The following LIPG variants were observed in gnomAD, a reference collection of about 807,000 sequenced individuals.
LIPG encodes the protein endothelial lipase.
LIPG carries 34 observed loss-of-function variants against 51.8 expected under a neutral mutation model. That is an observed-to-expected ratio of 0.66 (90% CI 0.50 to 0.87). The LOEUF is 0.87. Among genes scored for constraint, LIPG ranks in the 40% least tolerant of loss-of-function variants. LIPG has a pLI of 0.00. For missense variants in LIPG, 580 were observed against 652.7 expected (o/e 0.89, Z 1.21); for synonymous variants, 246 against 246.1 (o/e 1.00, Z 0.00).
chr18:49,575,044 T>C (rs560559534), intron 4 of LIPG, among the ~76,000 whole-genome samples: 2 of 152,312 alleles, frequency 1.3e-5, no homozygotes, highest in East Asian at 3.9e-4. Flanking sequence ...GCTTCAGTTT[T>C]AACAGGAGCA....
intron 5 of LIPG, 105 bp downstream of exon 5, chr18:49,575,695 A>G: frequency 1.1e-6 from 1 of 898,744 alleles, no homozygotes; most frequent in Non-Finnish European, 1.8e-6. Flanking sequence ...CATTATTCTC[A>G]CCTCCCACCA....
chr18:49,590,604 C>T lies in LIPG; in HGVS notation c.*82C>T, dbSNP rs1177429755. ...ATGGAGGAAAGTTACTGCTGAGGAC[C>T]CACCCAATGGAAGGATTCTTCTCAG... On this transcript the variant is annotated 3_prime_UTR_variant, in exon 10 of 10. Transcript: ENST00000261292. The T allele has an allele frequency of 5.9e-6, 8 of 1,364,440 alleles. No homozygotes were observed. The highest frequency in any genetic ancestry group is 7.2e-6 in the Non-Finnish European group (7 of 975,446). The allele number at this position is 1,364,440 out of a possible 1,614,324, so 84.5% of individuals were successfully genotyped here. A position where few individuals can be genotyped will look rare whatever the true frequency, so the allele number is the denominator to read the frequency against.
At chr18:49,577,727 G>T (rs2084738587) in intron 5 of LIPG, among the ~76,000 whole-genome samples, 1 of 81,196 alleles carries the variant, frequency 1.2e-5, no homozygotes, top group African/African-American at 7.1e-5. Context: ...CGGATGGCAC[G>T]GCTGGCCGGG....
At position 49,582,544 on chromosome 18, in the gene LIPG, G is replaced by C. The variant is rs1600564083; in HGVS notation, c.1157+62G>C. The stretch of plus-strand genomic sequence containing the variant: ...AGAACAGGTTGGTTTGAGAATGAGA[G>C]AGCACAAGGGAGCGTGTGAACGAGT... On this transcript the variant is annotated intron_variant, in intron 7 of 9. Transcript: ENST00000261292. 1.9e-5 allele frequency: 30 copies of C among 1,603,032 alleles called. No individual in the cohort carries two copies. In the South Asian group the frequency reaches 2.8e-4, roughly 15 times the overall value.
At chr18:49,579,014 GGGA>G in intron 5 of LIPG, among the ~76,000 whole-genome samples, 1 of 2,004 alleles carries the variant, frequency 5.0e-4, no homozygotes, top group South Asian at 0.021. Flanking sequence ...GAGAGGGAGA[GGGA>G]GAGGGAGAGG....
intron 5 of LIPG, among the ~76,000 whole-genome samples, chr18:49,578,755 C>T (rs1282662200): frequency 4.6e-5 from 7 of 150,950 alleles, no homozygotes; most frequent in African/African-American, 1.2e-4. Flanking sequence ...GTGAAGGAGA[C>T]TCCGTCTGCA....
At chr18:49,575,336 C>T in intron 4 of LIPG, 33 bp from the exon 5 acceptor site, 3 of 1,590,392 alleles carry the variant, frequency 1.9e-6, no homozygotes, top group Non-Finnish European at 2.6e-6. Context: ...GCACCTGACA[C>T]CACAGCTGTT....
chr18:49,569,607 C>A, intron 4 of LIPG, 59 bp downstream of exon 4: 1 of 1,313,906 alleles, frequency 7.6e-7, no homozygotes, highest in East Asian at 2.4e-5. Flanking sequence ...GGAATGCTCC[C>A]AAATGAGGCA....
At chr18:49,578,770 C>T (rs1244978805) in intron 5 of LIPG, among the ~76,000 whole-genome samples, 30 of 151,042 alleles carry the variant, frequency 2.0e-4, no homozygotes, top group African/African-American at 6.1e-4. Context: ...TCTGCAATCC[C>T]GGCACCTCGG....
intron 5 of LIPG, among the ~76,000 whole-genome samples, chr18:49,577,750 C>T: frequency 2.0e-5 from 1 of 49,174 alleles, no homozygotes; most frequent in South Asian, 9.0e-4. Context: ...GGGGGGCTGA[C>T]CCCCCCACCT....
intron 8 of LIPG, among the ~76,000 whole-genome samples, chr18:49,586,122 C>T (rs2084877420): frequency 6.6e-6 from 1 of 152,066 alleles, no homozygotes; most frequent in African/African-American, 2.4e-5. Flanking sequence ...GTTATTAGGC[C>T]CTGATTCTTT....
chr18:49,565,596 C>T (rs141636247), intron 2 of LIPG, 98 bp downstream of exon 2: 215 of 1,350,664 alleles, frequency 1.6e-4, no homozygotes, highest in Middle Eastern at 3.7e-4. Flanking sequence ...ATTCCAAACC[C>T]TCTTCCCCCC....
chr18:49,581,324 A>G, intron 5 of LIPG, 91 bp from the exon 6 acceptor site: 3 of 1,508,536 alleles, frequency 2.0e-6, no homozygotes, highest in South Asian at 1.1e-5. Flanking sequence ...ATAAACAGCT[A>G]TCACTGTTGA....
chr18:49,583,710 C>A lies in LIPG; in HGVS notation c.1312C>A (p.Arg438Ser). ...KEFRSYLSQP[R>S]NPGRELNIRR... ...GTTTCGCAGCTACCTGTCTCAACCC[C>A]GCAACCCCGGACGGGAGCTGAATAT... The change falls in exon 8 of 10, where the codon CGC (arginine) becomes AGC (serine). Residue 438 changes from arginine to serine, a missense_variant. Transcript: ENST00000261292. 6.2e-7 allele frequency: 1 copy of A among 1,614,136 alleles called. No individual in the cohort carries two copies. Among genetic ancestry groups the A allele is most frequent in the Non-Finnish European group, 8.5e-7 (1 of 1,180,024 alleles).
At chr18:49,581,245 C>T (rs2084815194) in intron 5 of LIPG, among the ~76,000 whole-genome samples, 170 bp from the exon 6 acceptor site, 1 of 152,100 alleles carries the variant, frequency 6.6e-6, no homozygotes. Flanking sequence ...CTAACCTGGG[C>T]AAGAGTGAGA....
At chr18:49,568,185 A>G (rs761955400) in intron 3 of LIPG, among the ~76,000 whole-genome samples, 35 of 151,992 alleles carry the variant, frequency 2.3e-4, no homozygotes, top group Admixed American at 1.3e-4. Flanking sequence ...CTGTGTCACC[A>G]TGCCCAGCTA....
chr18:49,567,509 C>A lies in LIPG; in HGVS notation c.347C>A (p.Ala116Asp). 6.2e-7 allele frequency: 1 copy of A among 1,614,140 alleles called. No individual in the cohort carries two copies. Among genetic ancestry groups the A allele is most frequent in the South Asian group, 1.1e-5 (1 of 91,078 alleles). The part of the protein sequence containing the change: ...VSALHTREKD[A>D]NVVVVDWLPL... ...GCCCTGCACACAAGAGAGAAAGACGCCAATGTAGTTGTGGTTGACTGGCTC... is the reference window on the plus strand; with the variant it reads ...GCCCTGCACACAAGAGAGAAAGACGACAATGTAGTTGTGGTTGACTGGCTC... The change falls in exon 3 of 10, where the codon GCC becomes GAC. Residue 116 changes from alanine to aspartate, a missense_variant. By Grantham distance (126) the Ala-to-Asp change is moderately radical (BLOSUM62 -2). Coordinates refer to ENST00000261292, the MANE Select transcript of LIPG (RefSeq NM_006033.4).
At chr18:49,584,385 C>G (rs1248899569) in intron 8 of LIPG, among the ~76,000 whole-genome samples, 1 of 152,160 alleles carries the variant, frequency 6.6e-6, no homozygotes, top group East Asian at 1.9e-4. Flanking sequence ...ATAAAAGATC[C>G]AGATCTTTCT....
chr18:49,575,252 C>CCCAGCTGGT, intron 4 of LIPG, 117 bp from the exon 5 acceptor site: 1 of 741,798 alleles, frequency 1.3e-6, no homozygotes, highest in South Asian at 1.7e-5. Flanking sequence ...TCTTGATTCT[C>CCCAGCTGGT]CCAGCTGGTC....
Sources: allele counts gnomAD v4.1 joint callset (sites outside exome capture counted in the v4.1 genomes callset), GRCh38; gene constraint gnomAD v4.1.1; transcripts MANE v1.5; gene names NCBI Gene and HGNC (gene_info 2026-07-23, HGNC 2026-07-21).